ADGRL2: variants seen among roughly 807,000 people sequenced by gnomAD.
ADGRL2 encodes the protein calcium-independent alpha-latrotoxin receptor 2.
In ADGRL2, 44 loss-of-function variants were observed where a neutral mutation model predicts 157.4. The ratio of observed to expected loss-of-function variants is 0.28; its 90% CI spans 0.22 to 0.36. ADGRL2 has a LOEUF of 0.36. Among genes scored for constraint, ADGRL2 ranks in the 10% least tolerant of loss-of-function variants. The pLI, the probability that ADGRL2 is intolerant of heterozygous loss-of-function variation, is 1.00. For synonymous variants in ADGRL2, 585 were observed against 624.7 expected (o/e 0.94, Z 0.95); for missense variants, 1,510 against 1,768.9 (o/e 0.85, Z 2.63).
intron 1 of ADGRL2, among the ~76,000 whole-genome samples, chr1:81,341,455 T>G (rs1196707093): frequency 2.6e-5 from 4 of 151,956 alleles, no homozygotes; most frequent in African/African-American, 9.7e-5. Flanking sequence ...TGATTTTTTT[T>G]TTTGTTTTTT....
At chr1:81,553,158 A>G (rs1342406763) in intron 2 of ADGRL2, among the ~76,000 whole-genome samples, 1 of 152,230 alleles carries the variant, frequency 6.6e-6, no homozygotes, top group African/African-American at 2.4e-5. Context: ...TGAAAAACAC[A>G]TAAAAATTTT....
intron 3 of ADGRL2, among the ~76,000 whole-genome samples, chr1:81,913,817 C>G (rs140390518): frequency 6.6e-6 from 1 of 152,084 alleles, no homozygotes; most frequent in Non-Finnish European, 1.5e-5. Flanking sequence ...AACCTCAAAT[C>G]GCCTGTACCT....
At chr1:81,923,398 G>GA (rs1192253769) in intron 3 of ADGRL2, among the ~76,000 whole-genome samples, 1 of 152,138 alleles carries the variant, frequency 6.6e-6, no homozygotes, top group African/African-American at 2.4e-5. Context: ...GAGAGTGTAT[G>GA]AACCACAAGT....
intron 2 of ADGRL2, among the ~76,000 whole-genome samples, chr1:81,511,807 T>G (rs1034053164): frequency 1.2e-4 from 18 of 152,198 alleles, no homozygotes; most frequent in Non-Finnish European, 2.2e-4. Context: ...ATTTTTTTTT[T>G]TCTTTAAACA....
chr1:81,530,288 G>A (rs953414656), intron 2 of ADGRL2, among the ~76,000 whole-genome samples: 2 of 152,070 alleles, frequency 1.3e-5, no homozygotes, highest in African/African-American at 4.8e-5. Context: ...ATCAACTCAA[G>A]CTGCCCCTTC....
At chr1:81,376,562 CCCTTCCTTCCCT>C (rs1484514940) in intron 1 of ADGRL2, among the ~76,000 whole-genome samples, 2 of 151,272 alleles carry the variant, frequency 1.3e-5, no homozygotes, top group Non-Finnish European at 3.0e-5. Flanking sequence ...CTCCCTTCCT[CCCTTCCTTCCCT>C]CCTTCCTTCC....
chr1:81,881,327 C>T (rs925501797), intron 2 of ADGRL2, among the ~76,000 whole-genome samples: 1 of 152,128 alleles, frequency 6.6e-6, no homozygotes. Context: ...AGGAGCCCGC[C>T]GCCACGCCCG....
intron 1 of ADGRL2, among the ~76,000 whole-genome samples, chr1:81,442,376 C>T (rs1213956063): frequency 6.6e-6 from 1 of 152,060 alleles, no homozygotes; most frequent in East Asian, 1.9e-4. Context: ...CCTCTTTCAC[C>T]AAATTACACA....
At chr1:81,838,644 A>G (rs2092402886) in intron 2 of ADGRL2, among the ~76,000 whole-genome samples, 1 of 152,124 alleles carries the variant, frequency 6.6e-6, no homozygotes, top group Non-Finnish European at 1.5e-5. Context: ...TATACATTTA[A>G]AAAAGATTCC....
At chr1:81,729,040 A>C (rs2084635178) in intron 1 of ADGRL2, among the ~76,000 whole-genome samples, 1 of 151,884 alleles carries the variant, frequency 6.6e-6, no homozygotes, top group Non-Finnish European at 1.5e-5. Context: ...CATATGTCAC[A>C]ATGTGCCTGC....
At chr1:81,508,783 A>G (rs1008761364) in intron 2 of ADGRL2, among the ~76,000 whole-genome samples, 1 of 152,196 alleles carries the variant, frequency 6.6e-6, no homozygotes, top group African/African-American at 2.4e-5. Flanking sequence ...TGTTCTCAAC[A>G]TTGTTCCTTC....
intron 3 of ADGRL2, among the ~76,000 whole-genome samples, chr1:81,640,902 A>G (rs2082207277): frequency 6.6e-6 from 1 of 152,196 alleles, no homozygotes; most frequent in African/African-American, 2.4e-5. Context: ...TTACAAAAAA[A>G]CAGTAGCCTA....
intron 2 of ADGRL2, among the ~76,000 whole-genome samples, chr1:81,565,303 T>C (rs1435641141): frequency 6.6e-6 from 1 of 152,208 alleles, no homozygotes; most frequent in Non-Finnish European, 1.5e-5. Flanking sequence ...GCACTCTCCT[T>C]AGCTACAGAA....
At chr1:81,804,679 A>G (rs17107205) in intron 1 of ADGRL2, among the ~76,000 whole-genome samples, 2,702 of 152,278 alleles carry the variant, frequency 0.018, 73 homozygotes, top group African/African-American at 0.061. Flanking sequence ...AAAAAGAGTG[A>G]CCTTTTGTTT....
chr1:81,333,019 T>C (rs1203341445), intron 1 of ADGRL2, among the ~76,000 whole-genome samples: 2 of 152,204 alleles, frequency 1.3e-5, no homozygotes, highest in African/African-American at 4.8e-5. Flanking sequence ...TGAAATAAGC[T>C]GTACCACCAT....
chr1:81,785,457 AT>A (rs1442440941), intron 2 of ADGRL2, among the ~76,000 whole-genome samples: 1 of 152,120 alleles, frequency 6.6e-6, no homozygotes, highest in East Asian at 1.9e-4. Flanking sequence ...GCCAGGTGTG[AT>A]GACCCACACC....
At chr1:81,589,111 C>G (rs949987758) in intron 3 of ADGRL2, among the ~76,000 whole-genome samples, 1 of 152,158 alleles carries the variant, frequency 6.6e-6, no homozygotes, top group Admixed American at 6.6e-5. Flanking sequence ...GCACACTATA[C>G]TCCAAAAGAT....
At chr1:81,767,443 G>C (rs1038384483) in intron 2 of ADGRL2, among the ~76,000 whole-genome samples, 7 of 152,102 alleles carry the variant, frequency 4.6e-5, no homozygotes, top group African/African-American at 1.7e-4. Flanking sequence ...GTCGTAACTA[G>C]AAAGTGCTAC....
chr1:81,509,815 C>G (rs564889748), intron 2 of ADGRL2, among the ~76,000 whole-genome samples: 2 of 152,148 alleles, frequency 1.3e-5, no homozygotes, highest in Non-Finnish European at 2.9e-5. Flanking sequence ...TGTGTGCAAA[C>G]AGGAGGAACT....
Sources: gnomAD v4.1 joint callset for allele counts (sites outside exome capture counted in the v4.1 genomes callset) on GRCh38, gnomAD v4.1.1 for gene constraint, MANE v1.5 for transcripts, NCBI Gene and HGNC (gene_info 2026-07-23, HGNC 2026-07-21) for gene names.